EXOC6B: variants seen among roughly 807,000 people sequenced by gnomAD.
EXOC6B encodes the protein exocyst complex component 6B.
Under a neutral mutation model 113.5 loss-of-function variants are expected in EXOC6B, and 54 were observed. That is an observed-to-expected ratio of 0.48 (90% CI 0.38 to 0.60). The LOEUF (loss-of-function observed/expected upper bound fraction) is 0.60. Among genes scored for constraint, EXOC6B ranks in the 20% least tolerant of loss-of-function variants. The pLI, the probability that EXOC6B is intolerant of heterozygous loss-of-function variation, is 0.00. For missense variants in EXOC6B, 797 were observed against 977.5 expected, an observed-to-expected ratio of 0.82 and a Z score of 2.46; for synonymous variants, 357 against 339.0, an observed-to-expected ratio of 1.05 and a Z score of -0.58.
At chr2:72,302,282 T>C (rs1686578905) in intron 20 of EXOC6B, among the ~76,000 whole-genome samples, 1 of 152,230 alleles carries the variant, frequency 6.6e-6, no homozygotes, top group Admixed American at 6.5e-5. Flanking sequence ...TTAGAGCATG[T>C]GCCATGTGGC....
chr2:72,800,088 T>A (rs568190222), intron 1 of EXOC6B, among the ~76,000 whole-genome samples: 2 of 152,112 alleles, frequency 1.3e-5, no homozygotes, highest in South Asian at 4.2e-4. Context: ...TACACAGGCA[T>A]TAAAAATTGC....
intron 11 of EXOC6B, among the ~76,000 whole-genome samples, chr2:72,512,314 C>A (rs965212114): frequency 3.7e-5 from 4 of 107,554 alleles, no homozygotes; most frequent in Non-Finnish European, 5.5e-5. Context: ...TTAAGAAACA[C>A]GGAAGGAAGG....
chr2:72,618,652 G>A lies in EXOC6B; in HGVS notation c.670-42984C>T, dbSNP rs190316249. On this transcript the variant is annotated intron_variant, in intron 6 of 21. Coordinates refer to ENST00000272427, the MANE Select transcript of EXOC6B (RefSeq NM_015189.3). ...GTGCCTATTAAAGCATTCCTTATGA[G>A]CCTGCAATACCATGTCTATCAAGGA... Among the ~76,000 whole-genome samples the A allele has an allele frequency of 1.2e-3, 186 of 152,190 alleles. 1 individual carries two copies. Among genetic ancestry groups the A allele is most frequent in the Admixed American group, 6.1e-3 (94 of 15,296 alleles).
chr2:72,189,581 G>A (rs542841782), intron 20 of EXOC6B, among the ~76,000 whole-genome samples: 144 of 152,156 alleles, frequency 9.5e-4, no homozygotes, highest in African/African-American at 2.7e-3. Flanking sequence ...TTACTATGAC[G>A]GTTGAAAACT....
At chr2:72,396,908 T>C (rs1329699561) in intron 18 of EXOC6B, among the ~76,000 whole-genome samples, 1 of 151,876 alleles carries the variant, frequency 6.6e-6, no homozygotes, top group Non-Finnish European at 1.5e-5. Context: ...TACATTGTAC[T>C]CAACAAATTC....
In EXOC6B at chr2:72,809,301, T is replaced by A. The variant is rs1286452148; in HGVS notation, c.113+16497A>T. ...ATAGAGATCAACAAAGTGGATTTTA[T>A]AAAACAATACAAGTATATGCTGTTG... On this transcript the variant is annotated intron_variant, in intron 1 of 21. Coordinates refer to ENST00000272427, the MANE Select transcript of EXOC6B (RefSeq NM_015189.3). 3.3e-5 allele frequency among the ~76,000 whole-genome samples: 5 copies of A among 152,138 alleles called. No homozygotes were observed. The East Asian group carries it at 9.6e-4, about 29-fold the overall frequency.
At chr2:72,297,101 A>G (rs1180718899) in intron 20 of EXOC6B, among the ~76,000 whole-genome samples, 2 of 152,208 alleles carry the variant, frequency 1.3e-5, no homozygotes, top group African/African-American at 4.8e-5. Flanking sequence ...ATGAAAAGAT[A>G]ATTTAGCTGT....
rs115960385 is a variant in EXOC6B, at chr2:72,698,405, T to C, written c.669+19698A>G. 3.5e-3 allele frequency among the ~76,000 whole-genome samples: 540 copies of C among 152,330 alleles called. 2 individuals are homozygous for C. The highest frequency in any genetic ancestry group is 5.4e-3 in the Non-Finnish European group (369 of 68,024). On this transcript the variant is annotated intron_variant, in intron 6 of 21. Coordinates refer to ENST00000272427, the MANE Select transcript of EXOC6B (RefSeq NM_015189.3). ...TCGATAAAGAAAAAGGGAGCATCTC[T>C]GTAAAGAAGGAGGTAAACTCTTCAC...
At chr2:72,615,720 C>T (rs935012391) in intron 6 of EXOC6B, among the ~76,000 whole-genome samples, 1 of 151,760 alleles carries the variant, frequency 6.6e-6, no homozygotes, top group South Asian at 2.1e-4. Flanking sequence ...CTATACTATA[C>T]TTTTTATCAT....
chr2:72,332,282 A>G (rs190105944), intron 20 of EXOC6B, among the ~76,000 whole-genome samples: 24 of 152,192 alleles, frequency 1.6e-4, no homozygotes, highest in Admixed American at 1.3e-3. Flanking sequence ...ATAGGTTTAG[A>G]TAGGTCATTA....
intron 14 of EXOC6B, among the ~76,000 whole-genome samples, chr2:72,496,114 G>A (rs371556215): frequency 2.9e-4 from 44 of 151,952 alleles, no homozygotes; most frequent in African/African-American, 9.9e-4. Context: ...TTATGTTGTG[G>A]GGAAAAAATG....
chr2:72,731,276 C>G, intron 3 of EXOC6B, 31 bp from the exon 4 acceptor site: 1 of 1,511,624 alleles, frequency 6.6e-7, no homozygotes, highest in Non-Finnish European at 9.2e-7. Flanking sequence ...CTGAATTATG[C>G]CTATGGCTGT....
intron 7 of EXOC6B, among the ~76,000 whole-genome samples, chr2:72,563,563 C>T (rs1704003971): frequency 6.6e-6 from 1 of 151,944 alleles, no homozygotes; most frequent in African/African-American, 2.4e-5. Flanking sequence ...TAAATATAAA[C>T]TTTAAAATGG....
chr2:72,356,070 A>G (rs968275816), intron 19 of EXOC6B, among the ~76,000 whole-genome samples: 1 of 152,228 alleles, frequency 6.6e-6, no homozygotes, highest in Non-Finnish European at 1.5e-5. Flanking sequence ...AAAATGTTTT[A>G]TAAGAATTCC....
At chr2:72,798,169 C>T (rs1372710435) in intron 1 of EXOC6B, among the ~76,000 whole-genome samples, 2 of 151,922 alleles carry the variant, frequency 1.3e-5, no homozygotes, top group African/African-American at 2.4e-5. Context: ...TAAATAAGAA[C>T]ACCTACAAAG....
intron 1 of EXOC6B, among the ~76,000 whole-genome samples, chr2:72,812,124 A>G (rs928996137): frequency 3.3e-5 from 5 of 152,184 alleles, no homozygotes; most frequent in Non-Finnish European, 7.4e-5. Context: ...TTGTTTACAC[A>G]GAAAATTCCA....
chr2:72,630,917 G>T (rs1443871427), intron 6 of EXOC6B, among the ~76,000 whole-genome samples: 1 of 152,150 alleles, frequency 6.6e-6, no homozygotes, highest in Non-Finnish European at 1.5e-5. Context: ...TAGTGACACG[G>T]TAGTCAACTC....
intron 20 of EXOC6B, among the ~76,000 whole-genome samples, chr2:72,318,260 A>G (rs533135050): frequency 6.6e-5 from 10 of 152,234 alleles, no homozygotes; most frequent in Non-Finnish European, 1.0e-4. Context: ...CTACTGACCC[A>G]TGGTAAAATC....
chr2:72,558,581 C>G (rs1349545989), intron 8 of EXOC6B, among the ~76,000 whole-genome samples: 1 of 151,992 alleles, frequency 6.6e-6, no homozygotes, highest in African/African-American at 2.4e-5. Context: ...ACCAGCCTGA[C>G]CAACATAGAA....
Sources: gnomAD v4.1 joint callset for allele counts (sites outside exome capture counted in the v4.1 genomes callset) on GRCh38, gnomAD v4.1.1 for gene constraint, MANE v1.5 for transcripts, NCBI Gene and HGNC (gene_info 2026-07-23, HGNC 2026-07-21) for gene names.